POR: variants seen among roughly 807,000 people sequenced by gnomAD.
The protein encoded by POR is NADPH--cytochrome P450 reductase.
Under a neutral mutation model 84.0 loss-of-function variants are expected in POR, and 56 were observed. The ratio of observed to expected loss-of-function variants is 0.67; its 90% CI spans 0.54 to 0.83. POR has a LOEUF of 0.83. POR is among the 40% of genes least tolerant of loss of function. POR has a pLI of 0.00. For synonymous variants in POR, 414 were observed against 400.5 expected (o/e 1.03, Z -0.40); for missense variants, 938 against 944.3 (o/e 0.99, Z 0.09).
intron 12 of POR, 149 bp from the exon 13 acceptor site, chr7:75,985,430 C>T: frequency 8.6e-7 from 1 of 1,166,384 alleles, no homozygotes; most frequent in Non-Finnish European, 1.2e-6. Flanking sequence ...GTCCGGGAAG[C>T]CGCTGGGGAG....
rs376830846 is a variant in POR, at chr7:75,983,789, C to G, written c.999C>G (p.Leu333=). The change falls in exon 10 of 16, where the codon CTC becomes CTG. Residue 333 remains leucine, a synonymous_variant. Coordinates refer to ENST00000461988, the MANE Select transcript of POR (RefSeq NM_000941.3). The stretch of plus-strand genomic sequence containing the variant: ...TGTACCCAGCCAACGACTCTGCTCT[C>G]GTCAACCAGCTGGGCAAAATCCTGG... 1.2e-6 allele frequency: 2 copies of G among 1,612,376 alleles called. No homozygotes were observed. The highest frequency in any genetic ancestry group is 1.1e-5 in the South Asian group (1 of 91,038).
chr7:75,964,655 A>T (rs890339306), intron 2 of POR, among the ~76,000 whole-genome samples: 2 of 152,170 alleles, frequency 1.3e-5, no homozygotes, highest in African/African-American at 4.8e-5. Context: ...CTTTAAAATG[A>T]CATAATTGAC....
At position 75,969,979 on chromosome 7, in the gene POR, C is replaced by A. The variant is rs41296530; in HGVS notation, c.189-2434C>A. Among the ~76,000 whole-genome samples, 663 of 152,188 alleles carry A rather than the reference C, an allele frequency of 4.4e-3. 4 individuals carry two copies. The highest frequency in any genetic ancestry group is 0.014 in the African/African-American group (583 of 41,524). On this transcript the variant is annotated intron_variant, in intron 2 of 15. Transcript: ENST00000461988. ...AGCGTTGCTGCGTGAGGGGCAGGGACGGCCTCTGGGAGAGGAAAGTTAAGT... is the reference window on the plus strand; with the variant it reads ...AGCGTTGCTGCGTGAGGGGCAGGGAAGGCCTCTGGGAGAGGAAAGTTAAGT...
chr7:75,944,173 C>T (rs1787075045), intron 1 of POR, among the ~76,000 whole-genome samples: 1 of 152,072 alleles, frequency 6.6e-6, no homozygotes. Flanking sequence ...CTGAATCTCG[C>T]CTGACAGCAA....
chr7:75,985,214 G>A lies in POR; in HGVS notation c.1398+7G>A, dbSNP rs1554558942. ...CATCGCCTCATCCTCCAAGGTGAGGGCCGGCACTGCCCTGCCAGCCACACG... is the reference window on the plus strand; with the variant it reads ...CATCGCCTCATCCTCCAAGGTGAGGACCGGCACTGCCCTGCCAGCCACACG... On this transcript the variant is annotated splice_region_variant and intron_variant, in intron 12 of 15. Transcript: ENST00000461988. 3.2e-6 allele frequency: 5 copies of A among 1,582,062 alleles called. No homozygotes were observed. In the South Asian group the frequency reaches 5.6e-5, roughly 18 times the overall value.
rs1312859192 is a variant in POR, at chr7:75,922,996, C to T, written c.-5+7817C>T. On this transcript the variant is annotated intron_variant, in intron 1 of 15. Coordinates refer to ENST00000461988, the MANE Select transcript of POR (RefSeq NM_000941.3). The stretch of plus-strand genomic sequence containing the variant: ...AGTAAAACCTCACACCTTGGAATCG[C>T]CAGATAAACATTCCTTGGCCTTTGT... The T allele has an allele frequency of 5.9e-6, 4 of 672,502 alleles. No individual in the cohort carries two copies. In the African/African-American group the frequency reaches 7.2e-5, roughly 12 times the overall value. 41.7% of individuals were successfully genotyped at this position (672,502 alleles called of 1,614,324 possible).
intron 1 of POR, among the ~76,000 whole-genome samples, chr7:75,952,116 C>T (rs1399589729): frequency 5.7e-5 from 6 of 105,924 alleles, no homozygotes; most frequent in Non-Finnish European, 7.7e-5. Flanking sequence ...CCCTCCCGGA[C>T]GGGGCAGCTG....
chr7:75,941,322 C>T (rs1032667389), intron 1 of POR, among the ~76,000 whole-genome samples: 8 of 152,128 alleles, frequency 5.3e-5, no homozygotes, highest in Non-Finnish European at 1.2e-4. Flanking sequence ...TGCGTGGACT[C>T]GAGACAGCAT....
In POR at chr7:75,950,242, C is replaced by T. The variant is rs142926320; in HGVS notation, c.-4-3747C>T. 1.9e-3 allele frequency among the ~76,000 whole-genome samples: 283 copies of T among 152,252 alleles called. 14 individuals carry two copies. In the South Asian group the frequency reaches 0.051, roughly 28 times the overall value. On this transcript the variant is annotated intron_variant, in intron 1 of 15. Transcript: ENST00000461988. ...TGGCCCGTCCATCAGAATTCTCTTGCGGTGATTACGTAGGTGCAGATGTAC... is the reference window on the plus strand; with the variant it reads ...TGGCCCGTCCATCAGAATTCTCTTGTGGTGATTACGTAGGTGCAGATGTAC...
chr7:75,985,941 C>T lies in POR; in HGVS notation c.1688C>T (p.Thr563Met), dbSNP rs574694698. The change falls in exon 14 of 16, where the codon ACG becomes ATG. Residue 563 changes from threonine to methionine, a missense_variant. Physicochemically the swap from Thr to Met is moderately conservative, Grantham distance 81. Coordinates refer to ENST00000461988, the MANE Select transcript of POR (RefSeq NM_000941.3). ...CACGCAGGCAAGGAGGTGGGGGAGA[C>T]GCTGCTGTACTACGGCTGCCGCCGC... is the stretch of plus-strand genomic sequence containing the variant. 34 of 1,588,184 alleles carry T rather than the reference C, an allele frequency of 2.1e-5. No homozygotes were observed. The East Asian group carries it at 4.1e-4, about 19-fold the overall frequency.
At chr7:75,971,695 G>A (rs1788449260) in intron 2 of POR, among the ~76,000 whole-genome samples, 1 of 152,122 alleles carries the variant, frequency 6.6e-6, no homozygotes, top group Non-Finnish European at 1.5e-5. Context: ...GAAGCAGAGG[G>A]GGTCTTTGAA....
Position 75,986,389 on chromosome 7 carries a change from G to A in POR, c.1951G>A (p.Ala651Thr). 6.8e-6 allele frequency: 11 copies of A among 1,612,542 alleles called. No homozygotes were observed. Among genetic ancestry groups the A allele is most frequent in the African/African-American group, 1.3e-5 (1 of 75,028 alleles). ...GCAGAACACCTTCTACGACATCGTG[G>A]CTGAGCTCGGGGCCATGGAGCACGC... The change falls in exon 16 of 16, where the codon GCT (alanine) becomes ACT (threonine). Residue 651 changes from alanine to threonine, a missense_variant. By Grantham distance (58) the Ala-to-Thr change is moderately conservative. Transcript: ENST00000461988.
intron 2 of POR, among the ~76,000 whole-genome samples, chr7:75,963,551 C>A (rs1416068363): frequency 6.6e-6 from 1 of 152,228 alleles, no homozygotes; most frequent in Non-Finnish European, 1.5e-5. Context: ...GACCTCCTGA[C>A]TTCACTGGGC....
intron 2 of POR, among the ~76,000 whole-genome samples, chr7:75,955,654 AC>A (rs1787654412): frequency 6.6e-6 from 1 of 152,188 alleles, no homozygotes; most frequent in African/African-American, 2.4e-5. Flanking sequence ...CCATTCTCAG[AC>A]CAGAACCCCT....
intron 1 of POR, among the ~76,000 whole-genome samples, chr7:75,920,148 C>T (rs1806783190): frequency 6.7e-6 from 1 of 148,420 alleles, no homozygotes; most frequent in Admixed American, 6.8e-5. Context: ...TCACTGCAAC[C>T]TCTGCCTTCC....
At position 75,974,050 on chromosome 7, in the gene POR, G is replaced by C. The variant is rs566999572; in HGVS notation, c.237+1589G>C. ...AAAGATCCTTCCATATCAATACAAA[G>C]ATACTGCCATCATCTTAGCTGTACC... On this transcript the variant is annotated intron_variant, in intron 3 of 15. Coordinates refer to ENST00000461988, the MANE Select transcript of POR (RefSeq NM_000941.3). 7.2e-5 allele frequency among the ~76,000 whole-genome samples: 11 copies of C among 152,062 alleles called. No individual in the cohort carries two copies. The South Asian group carries it at 2.3e-3, about 32-fold the overall frequency.
chr7:75,917,071 AC>A (rs1554548147), intron 1 of POR, among the ~76,000 whole-genome samples: 1 of 151,630 alleles, frequency 6.6e-6, no homozygotes, highest in Non-Finnish European at 1.5e-5. Context: ...CTTTTAAGTA[AC>A]TTTTTTTTTT....
intron 1 of POR, among the ~76,000 whole-genome samples, chr7:75,920,751 G>A (rs528226883): frequency 2.3e-4 from 35 of 152,218 alleles, no homozygotes; most frequent in Non-Finnish European, 3.2e-4. Flanking sequence ...TTAGGAACAC[G>A]TGAACTACGG....
chr7:75,971,869 T>C (rs1788457957), intron 2 of POR, among the ~76,000 whole-genome samples: 1 of 151,638 alleles, frequency 6.6e-6, no homozygotes, highest in South Asian at 2.1e-4. Context: ...GCTTGGTTTG[T>C]GGAGGGGAGT....
Sources: gnomAD v4.1 joint callset for allele counts (sites outside exome capture counted in the v4.1 genomes callset) on GRCh38, gnomAD v4.1.1 for gene constraint, MANE v1.5 for transcripts, NCBI Gene and HGNC (gene_info 2026-07-23, HGNC 2026-07-21) for gene names.